The following COMMD1 variants were observed in gnomAD, a reference collection of about 807,000 sequenced individuals.
The protein encoded by COMMD1 is COMM domain-containing protein 1.
COMMD1 carries 10 observed loss-of-function variants against 17.2 expected under a neutral mutation model. The observed-to-expected ratio is 0.58, with a 90% CI of 0.36 to 0.99. COMMD1 has a LOEUF of 0.99. Ranked by LOEUF, COMMD1 falls within the 50% of genes least tolerant of loss-of-function variation. The probability of loss-of-function intolerance (pLI) is 0.01; values close to 1 mark genes in which losing one functional copy is unlikely to be tolerated. For synonymous variants in COMMD1, 97 were observed against 91.6 expected (o/e 1.06, Z -0.34); for missense variants, 270 against 231.8 (o/e 1.17, Z -1.07).
At chr2:62,021,747 A>C (rs1157954994) in intron 2 of COMMD1, among the ~76,000 whole-genome samples, 3 of 152,206 alleles carry the variant, frequency 2.0e-5, no homozygotes, top group Non-Finnish European at 4.4e-5. Context: ...AGTCTATATA[A>C]CTTTGCCCTG....
intron 1 of COMMD1, among the ~76,000 whole-genome samples, chr2:61,993,667 C>G (rs1668658895): frequency 6.6e-6 from 1 of 152,288 alleles, no homozygotes; most frequent in South Asian, 2.1e-4. Context: ...TTTATGGTAG[C>G]TATTCAAATA....
At chr2:62,120,890 T>C (rs1672723362) in intron 2 of COMMD1, among the ~76,000 whole-genome samples, 1 of 152,010 alleles carries the variant, frequency 6.6e-6, no homozygotes, top group South Asian at 2.1e-4. Context: ...ATCCAGCTAA[T>C]TTTTGTTTTT....
chr2:62,025,337 G>A (rs941248618), intron 2 of COMMD1, among the ~76,000 whole-genome samples: 5 of 151,962 alleles, frequency 3.3e-5, no homozygotes, highest in African/African-American at 1.2e-4. Context: ...ACCAGCCTGG[G>A]CAACATAGCA....
At chr2:62,067,898 G>A (rs765246306) in intron 2 of COMMD1, among the ~76,000 whole-genome samples, 1 of 152,194 alleles carries the variant, frequency 6.6e-6, no homozygotes, top group Admixed American at 6.5e-5. Flanking sequence ...TTGAGGTACA[G>A]TGTTCTGTGC....
chr2:62,073,704 T>G (rs1292002457), intron 2 of COMMD1, among the ~76,000 whole-genome samples: 1 of 152,136 alleles, frequency 6.6e-6, no homozygotes, highest in Non-Finnish European at 1.5e-5. Flanking sequence ...ACCTATTTAT[T>G]TATTTATTTA....
At chr2:62,090,641 T>C (rs1288666338) in intron 2 of COMMD1, 1 of 152,216 alleles carries the variant, frequency 6.6e-6, no homozygotes, top group Non-Finnish European at 1.5e-5. Context: ...GGAGAAGTCA[T>C]ATAATTCTAC....
rs1361208855 is a variant in COMMD1, at chr2:62,063,282, C to G, written c.462+62300C>G. ...TTGTGGTGGTGCACGCCTGTAGTCT[C>G]AGCTACTAGGGAGCCTGAGGTGGGA... On this transcript the variant is annotated intron_variant, in intron 2 of 2. Transcript: ENST00000311832. Among the ~76,000 whole-genome samples the G allele has an allele frequency of 5.9e-5, 9 of 152,118 alleles. No homozygotes were observed. The South Asian group carries it at 1.7e-3, about 28-fold the overall frequency.
chr2:61,921,162 G>T (rs1379148997), intron 1 of COMMD1, among the ~76,000 whole-genome samples: 1 of 151,676 alleles, frequency 6.6e-6, no homozygotes. Flanking sequence ...TAGAGACAAG[G>T]TTTTACCATA....
intron 2 of COMMD1, among the ~76,000 whole-genome samples, chr2:62,018,654 A>T (rs1168490883): frequency 6.6e-6 from 1 of 152,222 alleles, no homozygotes; most frequent in Non-Finnish European, 1.5e-5. Context: ...TATGTACATT[A>T]TGAAATGACC....
chr2:62,071,213 A>G (rs1447829300), intron 2 of COMMD1, among the ~76,000 whole-genome samples: 1 of 152,192 alleles, frequency 6.6e-6, no homozygotes, highest in African/African-American at 2.4e-5. Context: ...TTTATACCAT[A>G]GATGGTAATT....
intron 1 of COMMD1, among the ~76,000 whole-genome samples, chr2:61,951,734 C>T (rs988325746): frequency 6.6e-5 from 10 of 152,134 alleles, no homozygotes; most frequent in East Asian, 3.9e-4. Flanking sequence ...AACATGATAG[C>T]GAACATATCT....
chr2:61,979,292 C>G (rs1671890991), intron 1 of COMMD1, among the ~76,000 whole-genome samples: 1 of 152,106 alleles, frequency 6.6e-6, no homozygotes, highest in East Asian at 1.9e-4. Flanking sequence ...GCCTGTCCAA[C>G]ATGGTGAAAC....
chr2:61,954,905 C>A (rs1337231167), intron 1 of COMMD1, among the ~76,000 whole-genome samples: 1 of 152,154 alleles, frequency 6.6e-6, no homozygotes, highest in East Asian at 1.9e-4. Flanking sequence ...AAACTCCTGA[C>A]CTCAAGCGAT....
chr2:62,044,955 T>C (rs1670339485), intron 2 of COMMD1, among the ~76,000 whole-genome samples: 1 of 152,222 alleles, frequency 6.6e-6, no homozygotes, highest in Admixed American at 6.5e-5. Context: ...AAGATTGTAA[T>C]TGCCCGATGG....
Position 61,892,911 on chromosome 2 carries a change from A to G in COMMD1, n.119+4069A>G, listed in dbSNP as rs532929703. Among the ~76,000 whole-genome samples, 3 of 151,612 alleles carry G rather than the reference A, an allele frequency of 2.0e-5. No individual in the cohort carries two copies. In the South Asian group the frequency reaches 6.3e-4, roughly 32 times the overall value. On this transcript the variant is annotated intron_variant and non_coding_transcript_variant, in intron 1 of 2. Coordinates refer to the COMMD1 transcript ENST00000472729. ...GAAACGGAGTCTCGCTCTGTCGCCC[A>G]GCCTGGAGTGCAGTGGCGCAATCTC...
intron 1 of COMMD1, among the ~76,000 whole-genome samples, chr2:61,984,914 G>T (rs1403193055): frequency 2.7e-5 from 4 of 146,678 alleles, no homozygotes; most frequent in Non-Finnish European, 4.5e-5. Context: ...TTTTTTTTTT[G>T]GTCTCTTTTG....
intron 2 of COMMD1, among the ~76,000 whole-genome samples, chr2:62,111,332 C>T (rs1379871066): frequency 1.3e-5 from 2 of 152,154 alleles, no homozygotes; most frequent in Non-Finnish European, 2.9e-5. Context: ...TTTTATATGA[C>T]AGGGAAGGCT....
chr2:61,896,802 G>A (rs935214063), intron 1 of COMMD1, among the ~76,000 whole-genome samples: 4 of 151,268 alleles, frequency 2.6e-5, no homozygotes, highest in African/African-American at 9.7e-5. Context: ...CATATGAAAG[G>A]TGTTCTTTTT....
chr2:61,946,373 A>T (rs746029096), intron 1 of COMMD1, among the ~76,000 whole-genome samples: 1 of 152,216 alleles, frequency 6.6e-6, no homozygotes, highest in African/African-American at 2.4e-5. Context: ...CAAAATGTCA[A>T]AAGGTTCGAA....
Sources: gnomAD v4.1 joint callset for allele counts (sites outside exome capture counted in the v4.1 genomes callset) on GRCh38, gnomAD v4.1.1 for gene constraint, MANE v1.5 for transcripts, NCBI Gene and HGNC (gene_info 2026-07-23, HGNC 2026-07-21) for gene names.